Variants in MCF2L2 observed in about 807,000 individuals in gnomAD.
MCF2L2 encodes MCF.2 cell line derived transforming sequence-like 2, also known as probable guanine nucleotide exchange factor MCF2L2.
A neutral mutation model predicts 150.2 loss-of-function variants in MCF2L2; 102 were observed. That is an observed-to-expected ratio of 0.68 (90% CI 0.58 to 0.80). The LOEUF (loss-of-function observed/expected upper bound fraction) is 0.80. MCF2L2 is among the 30% of genes least tolerant of loss of function. MCF2L2 has a pLI of 0.00. For synonymous variants in MCF2L2, 465 were observed against 491.3 expected (o/e 0.95, Z 0.71); for missense variants, 1,256 against 1,372.8 (o/e 0.91, Z 1.34).
chr3:183,380,863 C>A (rs1713486222), intron 2 of MCF2L2, among the ~76,000 whole-genome samples: 1 of 151,816 alleles, frequency 6.6e-6, no homozygotes, highest in South Asian at 2.1e-4. Context: ...AGTTTGATTG[C>A]AAGGTTTAAG....
intron 1 of MCF2L2, among the ~76,000 whole-genome samples, chr3:183,396,981 G>C (rs1020523559): frequency 7.9e-5 from 12 of 152,216 alleles, no homozygotes; most frequent in African/African-American, 2.4e-4. Flanking sequence ...CCAGCACCTT[G>C]ATGGTGGACT....
chr3:183,369,435 C>G (rs998303779), intron 3 of MCF2L2, among the ~76,000 whole-genome samples: 5 of 152,140 alleles, frequency 3.3e-5, no homozygotes, highest in Non-Finnish European at 7.3e-5. Flanking sequence ...TTTTTGACAT[C>G]AGAGGGCCAA....
At chr3:183,420,627 T>C (rs1257825344) in intron 1 of MCF2L2, among the ~76,000 whole-genome samples, 1 of 151,936 alleles carries the variant, frequency 6.6e-6, no homozygotes, top group Non-Finnish European at 1.5e-5. Flanking sequence ...CAACCTGAAA[T>C]GGGGTAATTT....
At chr3:183,192,760 G>A (rs1345051530) in intron 27 of MCF2L2, 1 of 417,350 alleles carries the variant, frequency 2.4e-6, no homozygotes, top group Non-Finnish European at 4.2e-6. Context: ...GGATAAGGGG[G>A]TGCTCCTGTA....
rs1722461156 is a variant in MCF2L2 at position 183,206,115 on chromosome 3, G to T, written c.2805+7C>A. ...GAGGAGACCCATGGGGAAGGCATGA[G>T]CGTTACCTGCAGGATGTATTTCTCA... On this transcript the variant is annotated splice_region_variant and intron_variant, in intron 24 of 29. Transcript: ENST00000328913. 6.2e-7 allele frequency: 1 copy of T among 1,613,092 alleles called. No individual in the cohort carries two copies. Among genetic ancestry groups the T allele is most frequent in the African/African-American group, 1.3e-5 (1 of 74,904 alleles).
intron 1 of MCF2L2, among the ~76,000 whole-genome samples, chr3:183,417,276 T>C (rs1430552893): frequency 6.6e-6 from 1 of 152,088 alleles, no homozygotes; most frequent in Non-Finnish European, 1.5e-5. Context: ...CCAATCCCCC[T>C]TGGATGCCAA....
chr3:183,406,850 T>C (rs1263332481), intron 1 of MCF2L2, among the ~76,000 whole-genome samples: 2 of 152,164 alleles, frequency 1.3e-5, no homozygotes, highest in African/African-American at 4.8e-5. Flanking sequence ...ACAGTATTTT[T>C]TGCAGAGAAA....
At chr3:183,182,791 G>T (rs1206983961) in intron 27 of MCF2L2, 1 of 152,264 alleles carries the variant, frequency 6.6e-6, no homozygotes, top group Non-Finnish European at 1.5e-5. Context: ...AGAGCATCCT[G>T]CAGGCAAAGC....
intron 15 of MCF2L2, among the ~76,000 whole-genome samples, chr3:183,269,230 C>CTTTTTTTTTTTTGTTTTTTTTTTTTTTTT (rs1726472584): frequency 1.2e-5 from 1 of 81,030 alleles, no homozygotes; most frequent in African/African-American, 6.4e-5. Flanking sequence ...GTTTGGGAAG[C>CTTTTTTTTTTTTGTTTTTTTTTTTTTTTT]TTTTTTTTTT....
chr3:183,352,161 G>A (rs916856044), intron 3 of MCF2L2, among the ~76,000 whole-genome samples: 1 of 152,096 alleles, frequency 6.6e-6, no homozygotes, highest in Admixed American at 6.5e-5. Flanking sequence ...TTTCTTCAAT[G>A]CCTCATCCTG....
chr3:183,276,425 G>A (rs554114070), intron 15 of MCF2L2, among the ~76,000 whole-genome samples: 55 of 152,236 alleles, frequency 3.6e-4, no homozygotes, highest in African/African-American at 1.2e-3. Context: ...AAATTTCCCC[G>A]TGTTATTTTT....
chr3:183,263,893 A>G (rs955110191), intron 15 of MCF2L2, among the ~76,000 whole-genome samples: 1 of 152,062 alleles, frequency 6.6e-6, no homozygotes, highest in Admixed American at 6.6e-5. Context: ...GATTTTCTTG[A>G]AAGGGCCTTC....
At chr3:183,346,601 G>A (rs953583151) in intron 3 of MCF2L2, among the ~76,000 whole-genome samples, 4 of 152,168 alleles carry the variant, frequency 2.6e-5, no homozygotes, top group Non-Finnish European at 5.9e-5. Flanking sequence ...TATTCAAATC[G>A]GAAGAGAGGA....
Position 183,270,380 on chromosome 3 carries a change from T to C in MCF2L2, c.1862+6492A>G, listed in dbSNP as rs372670786. On this transcript the variant is annotated intron_variant, in intron 15 of 29. Transcript: ENST00000328913. The surrounding 1 kb of genome is among the most constrained non-coding windows in gnomAD (Gnocchi z 4.5). ...CCAAATTTCTTATGACTGCTGATGA[T>C]GACATATTTATTCACATGCCAAATC... The C allele has an allele frequency of 5.3e-5, 85 of 1,614,114 alleles. No individual in the cohort carries two copies. The highest frequency in any genetic ancestry group is 6.6e-5 in the Non-Finnish European group (78 of 1,180,034).
chr3:183,409,197 AAAATACT>A (rs978087228), intron 1 of MCF2L2, among the ~76,000 whole-genome samples: 9 of 152,378 alleles, frequency 5.9e-5, no homozygotes, highest in Admixed American at 2.0e-4. Context: ...AGTGGCTCAT[AAAATACT>A]TAAGATTCAG....
At chr3:183,338,694 T>C (rs531126408) in intron 5 of MCF2L2, 106 bp downstream of exon 5, 12 of 1,199,182 alleles carry the variant, frequency 1.0e-5, no homozygotes, top group East Asian at 8.2e-5. Flanking sequence ...AGAACCCTTT[T>C]CTCCCTCTCT....
Position 183,179,813 on chromosome 3 carries a change from G to A in MCF2L2, c.3106-121C>T. The A allele has an allele frequency of 1.1e-6, 1 of 870,558 alleles. No individual in the cohort carries two copies. Among genetic ancestry groups the A allele is most frequent in the Non-Finnish European group, 1.8e-6 (1 of 547,344 alleles). 53.9% of individuals were successfully genotyped at this position (870,558 alleles called of 1,614,324 possible). A position where few individuals can be genotyped will look rare whatever the true frequency, so the allele number is the denominator to read the frequency against. ...ACCCCAGCCCTCCCACCTGGGCCAC[G>A]GGGCTCTCAGCGGGAGCCCCAGTTA... On this transcript the variant is annotated intron_variant, in intron 28 of 29. Transcript: ENST00000328913. This position sits in a 1 kb window ranked among gnomAD's most constrained non-coding sequence, Gnocchi z 4.2.
intron 1 of MCF2L2, among the ~76,000 whole-genome samples, chr3:183,411,781 G>T (rs1715326540): frequency 6.6e-6 from 1 of 152,080 alleles, no homozygotes. Context: ...CAAATGATAG[G>T]AAGCATTTTA....
chr3:183,240,226 C>T (rs868797631), intron 15 of MCF2L2, among the ~76,000 whole-genome samples: 1 of 152,184 alleles, frequency 6.6e-6, no homozygotes, highest in Non-Finnish European at 1.5e-5. Flanking sequence ...CACCAGGCTA[C>T]GCCCTTCCAA....
Sources: gnomAD v4.1 joint callset for allele counts (sites outside exome capture counted in the v4.1 genomes callset) on GRCh38, gnomAD v4.1.1 for gene constraint, Gnocchi (gnomAD v3.1) non-coding constraint, MANE v1.5 for transcripts, NCBI Gene and HGNC (gene_info 2026-07-23, HGNC 2026-07-21) for gene names.